Variants in B3GALT1 observed in about 807,000 individuals in gnomAD.
B3GALT1 encodes UDP-Gal:betaGlcNAc beta 1,3-galactosyltransferase, polypeptide 1.
A neutral mutation model predicts 23.2 loss-of-function variants in B3GALT1; 10 were observed. The observed-to-expected ratio is 0.43, with a 90% CI of 0.27 to 0.73. The LOEUF is 0.73. Among genes scored for constraint, B3GALT1 ranks in the 30% least tolerant of loss-of-function variants. The pLI is 0.21. For synonymous variants in B3GALT1, 156 were observed against 141.5 expected, an observed-to-expected ratio of 1.10 and a Z score of -0.73; for missense variants, 299 against 405.4, an observed-to-expected ratio of 0.74 and a Z score of 2.25.
chr2:167,418,627 C>G lies in B3GALT1; in HGVS notation c.-510-71550C>G, dbSNP rs116698551. Among the ~76,000 whole-genome samples the G allele has an allele frequency of 2.8e-3, 427 of 152,062 alleles. 1 individual carries two copies. The highest frequency in any genetic ancestry group is 9.3e-3 in the African/African-American group (385 of 41,488). On this transcript the variant is annotated intron_variant, in intron 1 of 4. Coordinates refer to ENST00000392690, the MANE Select transcript of B3GALT1 (RefSeq NM_020981.4). The stretch of plus-strand genomic sequence containing the variant: ...CTCATAAACAGGACTCTGATTTTAT[C>G]AAAGGCTGTGGCTGAAGCCACTTTC...
At chr2:167,438,410 ATGAC>A (rs1217558636) in intron 1 of B3GALT1, among the ~76,000 whole-genome samples, 1 of 152,234 alleles carries the variant, frequency 6.6e-6, no homozygotes, top group Non-Finnish European at 1.5e-5. Flanking sequence ...TGATTGGTGA[ATGAC>A]TGTTTGGTCA....
rs181752761 is a variant in B3GALT1 at position 167,485,307 on chromosome 2, G to T, written c.-510-4870G>T. Among the ~76,000 whole-genome samples, 19 of 152,228 alleles carry T rather than the reference G, an allele frequency of 1.2e-4. No homozygotes were observed. In the East Asian group the frequency reaches 2.5e-3, roughly 20 times the overall value. ...GCAAGTTTTGAAAAAAAGATTATTT[G>T]AATGAAAAACAGGACAAAACCAAGT... On this transcript the variant is annotated intron_variant, in intron 1 of 4. Coordinates refer to ENST00000392690, the MANE Select transcript of B3GALT1 (RefSeq NM_020981.4).
At chr2:167,520,425 A>AG (rs1448497399) in intron 2 of B3GALT1, among the ~76,000 whole-genome samples, 1 of 152,144 alleles carries the variant, frequency 6.6e-6, no homozygotes, top group Non-Finnish European at 1.5e-5. Context: ...GTCTGATAAG[A>AG]GGAGTGAGTA....
At chr2:167,739,940 A>C (rs75680498) in intron 3 of B3GALT1, among the ~76,000 whole-genome samples, 12,838 of 106,562 alleles carry the variant, frequency 0.12, 1,400 homozygotes, top group African/African-American at 0.25. Flanking sequence ...AAAAACAAAC[A>C]AAAAAAAAAA....
intron 2 of B3GALT1, among the ~76,000 whole-genome samples, chr2:167,518,146 C>A (rs1480809984): frequency 6.6e-6 from 1 of 152,072 alleles, no homozygotes; most frequent in Non-Finnish European, 1.5e-5. Context: ...ATCGAGGATC[C>A]AAATTATGGC....
chr2:167,768,768 T>C (rs956695885), intron 3 of B3GALT1, among the ~76,000 whole-genome samples: 1 of 152,202 alleles, frequency 6.6e-6, no homozygotes, highest in African/African-American at 2.4e-5. Flanking sequence ...AGTTTTTAAA[T>C]GCACTTAAGG....
chr2:167,341,317 ATTTG>A (rs1479722129), intron 1 of B3GALT1, among the ~76,000 whole-genome samples: 1 of 152,176 alleles, frequency 6.6e-6, no homozygotes, highest in Non-Finnish European at 1.5e-5. Flanking sequence ...CACTTCAAAT[ATTTG>A]TTTGCCATTT....
intron 2 of B3GALT1, among the ~76,000 whole-genome samples, chr2:167,627,373 GTC>G (rs1685366030): frequency 6.6e-6 from 1 of 151,526 alleles, no homozygotes; most frequent in Non-Finnish European, 1.5e-5. Context: ...CCTGATTTCT[GTC>G]TCTATCAGTT....
chr2:167,432,256 A>G (rs1419743467), intron 1 of B3GALT1, among the ~76,000 whole-genome samples: 1 of 152,186 alleles, frequency 6.6e-6, no homozygotes, highest in African/African-American at 2.4e-5. Flanking sequence ...GACTTCCAAG[A>G]TGAAATAGAA....
At chr2:167,398,845 A>C (rs1042163757) in intron 1 of B3GALT1, among the ~76,000 whole-genome samples, 14 of 152,108 alleles carry the variant, frequency 9.2e-5, no homozygotes, top group African/African-American at 3.4e-4. Flanking sequence ...CATCCACCAC[A>C]ACCTGCCAGT....
intron 3 of B3GALT1, among the ~76,000 whole-genome samples, chr2:167,725,583 T>C (rs1476047235): frequency 6.6e-6 from 1 of 152,192 alleles, no homozygotes; most frequent in Non-Finnish European, 1.5e-5. Flanking sequence ...TAAAATACTT[T>C]CCCAAGGGTA....
chr2:167,772,279 C>G (rs1688085400), intron 3 of B3GALT1, among the ~76,000 whole-genome samples: 1 of 152,102 alleles, frequency 6.6e-6, no homozygotes, highest in African/African-American at 2.4e-5. Context: ...ACGATATTTT[C>G]CCTAGTAATA....
chr2:167,773,881 T>C (rs1046267102), intron 3 of B3GALT1, among the ~76,000 whole-genome samples: 5 of 152,214 alleles, frequency 3.3e-5, no homozygotes, highest in Admixed American at 2.6e-4. Context: ...TGGACAAGAC[T>C]TTGTCTTCTG....
chr2:167,742,433 G>A (rs1236217143), intron 3 of B3GALT1, among the ~76,000 whole-genome samples: 1 of 152,128 alleles, frequency 6.6e-6, no homozygotes, highest in Non-Finnish European at 1.5e-5. Context: ...TTAAGAAAGG[G>A]AAGGCATTGA....
rs1294975434 is a variant in B3GALT1, at chr2:167,519,800, G to A, written c.-410+29523G>A. ...CAAGAAAAATATATTGGCCATGCAC[G>A]GTGGCTCACACCTGTAATCCCAGTG... On this transcript the variant is annotated intron_variant, in intron 2 of 4. Transcript: ENST00000392690. Among the ~76,000 whole-genome samples the A allele has an allele frequency of 2.6e-5, 4 of 152,052 alleles. No individual in the cohort carries two copies. The East Asian group carries it at 7.7e-4, about 29-fold the overall frequency.
At chr2:167,586,736 ATAAGT>A (rs566294288) in intron 2 of B3GALT1, among the ~76,000 whole-genome samples, 142 of 152,342 alleles carry the variant, frequency 9.3e-4, no homozygotes, top group East Asian at 3.1e-3. Context: ...CAGTTTTAAG[ATAAGT>A]TAAGGAACAT....
In B3GALT1 at chr2:167,720,739, C is replaced by T. The variant is rs1044819276; in HGVS notation, c.-352+73773C>T. On this transcript the variant is annotated intron_variant, in intron 3 of 4. Transcript: ENST00000392690. ...AGTGTGGTGTTGTTTAAATGTCCTC[C>T]AAGAGAAAATACCCCTGCTACACAT... Among the ~76,000 whole-genome samples, 4 of 152,232 alleles carry T rather than the reference C, an allele frequency of 2.6e-5. 1 individual carries two copies. The South Asian group carries it at 6.2e-4, about 24-fold the overall frequency.
intron 3 of B3GALT1, among the ~76,000 whole-genome samples, chr2:167,786,812 G>C (rs980727407): frequency 2.0e-5 from 3 of 152,114 alleles, no homozygotes; most frequent in Non-Finnish European, 4.4e-5. Flanking sequence ...CTTACCCCTG[G>C]CTGCAATTAG....
chr2:167,793,136 G>T (rs561740231), intron 3 of B3GALT1, among the ~76,000 whole-genome samples: 3 of 152,268 alleles, frequency 2.0e-5, no homozygotes, highest in Admixed American at 6.5e-5. Flanking sequence ...GTCCACCAGG[G>T]CCCAGGCTCC....
Sources: allele counts gnomAD v4.1 joint callset (sites outside exome capture counted in the v4.1 genomes callset), GRCh38; gene constraint gnomAD v4.1.1; transcripts MANE v1.5; gene names NCBI Gene and HGNC (gene_info 2026-07-23, HGNC 2026-07-21).